ATP8A1: variants seen among roughly 807,000 people sequenced by gnomAD.
The protein encoded by ATP8A1 is ATPase phospholipid transporting 8A1.
Under a neutral mutation model 177.7 loss-of-function variants are expected in ATP8A1, and 90 were observed. The ratio of observed to expected loss-of-function variants is 0.51; its 90% CI spans 0.43 to 0.60. The LOEUF (loss-of-function observed/expected upper bound fraction) is 0.60, where lower values mean the gene tolerates loss of function less well. ATP8A1 is among the 20% of genes least tolerant of loss of function. The pLI, the probability that ATP8A1 is intolerant of heterozygous loss-of-function variation, is 0.00. For synonymous variants in ATP8A1, 493 were observed against 485.9 expected (o/e 1.01, Z -0.19); for missense variants, 1,072 against 1,392.8 (o/e 0.77, Z 3.67).
intron 25 of ATP8A1, among the ~76,000 whole-genome samples, chr4:42,483,901 C>T (rs140455893): frequency 3.5e-4 from 53 of 152,124 alleles, no homozygotes; most frequent in African/African-American, 1.2e-3. Context: ...TGTCGCACTG[C>T]GCCCAGCACA....
At chr4:42,526,052 AT>A (rs1382163531) in intron 20 of ATP8A1, among the ~76,000 whole-genome samples, 2 of 152,198 alleles carry the variant, frequency 1.3e-5, no homozygotes, top group African/African-American at 4.8e-5. Context: ...ATTTTCAATG[AT>A]ATTAATACAT....
In ATP8A1 at chr4:42,511,658, TGTAA is replaced by T. The variant is rs549360252; in HGVS notation, c.1948-4508_1948-4505del. Among the ~76,000 whole-genome samples, 1,264 of 152,320 alleles carry T rather than the reference TGTAA, an allele frequency of 8.3e-3. 11 individuals are homozygous for T. The highest frequency in any genetic ancestry group is 0.028 in the African/African-American group (1,177 of 41,570). ...AGGCACATAAATGTAACATTTCTACTGTAAGTGAGGACAGAAAGCTTCATGTAGT... is the reference window on the plus strand; with the variant it reads ...AGGCACATAAATGTAACATTTCTACTGTGAGGACAGAAAGCTTCATGTAGT... On this transcript the variant is annotated intron_variant, in intron 22 of 36. Transcript: ENST00000381668.
At chr4:42,634,936 G>A (rs1739122576) in intron 1 of ATP8A1, among the ~76,000 whole-genome samples, 1 of 152,202 alleles carries the variant, frequency 6.6e-6, no homozygotes, top group African/African-American at 2.4e-5. Context: ...TAGCAATGTA[G>A]CACAATACTT....
chr4:42,645,128 G>A (rs1474821570), intron 1 of ATP8A1, among the ~76,000 whole-genome samples: 1 of 152,094 alleles, frequency 6.6e-6, no homozygotes, highest in Non-Finnish European at 1.5e-5. Context: ...AACTAAATGT[G>A]TTGTACTCTT....
intron 20 of ATP8A1, among the ~76,000 whole-genome samples, chr4:42,529,674 T>C (rs1230254579): frequency 6.6e-6 from 1 of 152,194 alleles, no homozygotes; most frequent in Non-Finnish European, 1.5e-5. Context: ...AAGAGAAGAC[T>C]AGGGCCTGGT....
Position 42,464,882 on chromosome 4 carries a change from T to C in ATP8A1, c.2508+11A>G, listed in dbSNP as rs1719563880. On this transcript the variant is annotated intron_variant, in intron 26 of 36. Transcript: ENST00000381668. ...AGAGGAATGATGTGTTTTGCAGAAA[T>C]GACGCTTTACCTGAGCTATGGAGTA... 6.2e-7 allele frequency: 1 copy of C among 1,613,542 alleles called. No homozygotes were observed. The highest frequency in any genetic ancestry group is 1.1e-5 in the South Asian group (1 of 91,056).
chr4:42,416,265 G>A lies in ATP8A1; in HGVS notation c.3306-1547C>T, dbSNP rs988043883. 2.6e-5 allele frequency among the ~76,000 whole-genome samples: 4 copies of A among 152,284 alleles called. No individual in the cohort carries two copies. The East Asian group carries it at 7.7e-4, about 29-fold the overall frequency. ...TCCTTAGCAGAGCCTTGTGGATGGGGTGCTGGAAAGTCTTTGGTGTTTCAA... is the reference window on the plus strand; with the variant it reads ...TCCTTAGCAGAGCCTTGTGGATGGGATGCTGGAAAGTCTTTGGTGTTTCAA... On this transcript the variant is annotated intron_variant, in intron 35 of 36. Coordinates refer to ENST00000381668, the MANE Select transcript of ATP8A1 (RefSeq NM_006095.2).
At chr4:42,589,654 A>AT (rs1245816483) in intron 7 of ATP8A1, among the ~76,000 whole-genome samples, 2 of 152,144 alleles carry the variant, frequency 1.3e-5, no homozygotes, top group Middle Eastern at 3.2e-3. Context: ...TCAAAATTTT[A>AT]TTTTTAAAAT....
intron 20 of ATP8A1, among the ~76,000 whole-genome samples, chr4:42,525,087 C>T (rs1726547824): frequency 2.0e-5 from 3 of 152,202 alleles, no homozygotes; most frequent in African/African-American, 7.2e-5. Flanking sequence ...TTCCCATGTT[C>T]ATATCTCATA....
intron 9 of ATP8A1, 29 bp from the exon 10 acceptor site, chr4:42,581,761 C>G: frequency 1.3e-6 from 2 of 1,516,484 alleles, no homozygotes; most frequent in Non-Finnish European, 9.1e-7. Flanking sequence ...ACATTAGAAA[C>G]AGTATTTTCT....
At chr4:42,564,888 T>C (rs964095877) in intron 15 of ATP8A1, among the ~76,000 whole-genome samples, 1 of 152,078 alleles carries the variant, frequency 6.6e-6, no homozygotes, top group African/African-American at 2.4e-5. Context: ...TTCCCACGTG[T>C]TATAGGAGGG....
chr4:42,426,307 A>T (rs1315507573), intron 33 of ATP8A1, among the ~76,000 whole-genome samples: 2 of 152,190 alleles, frequency 1.3e-5, no homozygotes, highest in African/African-American at 4.8e-5. Context: ...ACCTGCCTAC[A>T]AACTAACGGC....
At chr4:42,571,896 A>G (rs1157755121) in intron 14 of ATP8A1, among the ~76,000 whole-genome samples, 1 of 152,220 alleles carries the variant, frequency 6.6e-6, no homozygotes, top group Non-Finnish European at 1.5e-5. Context: ...AAAATTTATT[A>G]AAATTAAATT....
Position 42,551,410 on chromosome 4 carries a change from A to C in ATP8A1, c.1520-130T>G, listed in dbSNP as rs541205733. 1.2e-4 allele frequency: 77 copies of C among 629,506 alleles called. No individual in the cohort carries two copies. In the East Asian group the frequency reaches 2.1e-3, roughly 17 times the overall value. 39.0% of individuals were successfully genotyped at this position (629,506 alleles called of 1,614,324 possible). On this transcript the variant is annotated intron_variant, in intron 17 of 36. Coordinates refer to ENST00000381668, the MANE Select transcript of ATP8A1 (RefSeq NM_006095.2). The stretch of plus-strand genomic sequence containing the variant: ...TCTTTTTATTCTGGCTCATGTTATT[A>C]ATCCAATTATTTTAAAATTACATGA...
intron 4 of ATP8A1, among the ~76,000 whole-genome samples, chr4:42,617,226 A>G (rs989655797): frequency 1.3e-5 from 2 of 152,162 alleles, no homozygotes; most frequent in African/African-American, 4.8e-5. Flanking sequence ...GGCAGCATAC[A>G]CTCAGTCTGT....
intron 1 of ATP8A1, 102 bp from the exon 2 acceptor site, chr4:42,627,211 T>G: frequency 1.3e-6 from 1 of 768,052 alleles, no homozygotes; most frequent in African/African-American, 1.8e-5. Flanking sequence ...AAAAGCTACT[T>G]GCTTCCCCTT....
intron 1 of ATP8A1, 108 bp from the exon 2 acceptor site, chr4:42,627,217 C>A (rs1738201803): frequency 9.8e-6 from 7 of 715,976 alleles, no homozygotes; most frequent in Non-Finnish European, 1.6e-5. Context: ...TACTTGCTTC[C>A]CCTTAACTGT....
At chr4:42,575,083 A>T (rs1489117444) in intron 13 of ATP8A1, among the ~76,000 whole-genome samples, 1 of 152,360 alleles carries the variant, frequency 6.6e-6, no homozygotes, top group Non-Finnish European at 1.5e-5. Flanking sequence ...AATTAACTTC[A>T]TGCAACATCT....
chr4:42,476,962 C>G (rs906054585), intron 25 of ATP8A1, among the ~76,000 whole-genome samples: 1 of 152,190 alleles, frequency 6.6e-6, no homozygotes, highest in South Asian at 2.1e-4. Context: ...TTATATATGT[C>G]TGTTTGATAT....
Sources: allele counts gnomAD v4.1 joint callset (sites outside exome capture counted in the v4.1 genomes callset), GRCh38; gene constraint gnomAD v4.1.1; transcripts MANE v1.5; gene names NCBI Gene and HGNC (gene_info 2026-07-23, HGNC 2026-07-21).